Variants in GRIN2A observed in about 807,000 individuals in gnomAD.
GRIN2A encodes glutamate ionotropic receptor NMDA type subunit 2A.
In GRIN2A, 22 loss-of-function variants were observed where a neutral mutation model predicts 113.4. That is an observed-to-expected ratio of 0.19 (90% CI 0.14 to 0.28). GRIN2A has a LOEUF of 0.28. Ranked by LOEUF, GRIN2A falls within the 10% of genes least tolerant of loss-of-function variation. The pLI is 1.00. For synonymous variants in GRIN2A, 827 were observed against 738.4 expected (o/e 1.12, Z -1.94); for missense variants, 1,502 against 1,887.0 (o/e 0.80, Z 3.78).
chr16:9,887,952 G>T (rs182318391), intron 4 of GRIN2A, among the ~76,000 whole-genome samples: 2 of 152,118 alleles, frequency 1.3e-5, no homozygotes, highest in Non-Finnish European at 1.5e-5. Context: ...AGCTACTCAG[G>T]GGGGCTGAGG....
intron 2 of GRIN2A, among the ~76,000 whole-genome samples, chr16:10,042,985 G>C (rs11074546): frequency 6.6e-6 from 1 of 151,960 alleles, no homozygotes; most frequent in Admixed American, 6.6e-5. Context: ...TTTGATCTAC[G>C]TCAGAGTTTC....
intron 10 of GRIN2A, among the ~76,000 whole-genome samples, chr16:9,819,917 G>T (rs546685057): frequency 1.3e-5 from 1 of 74,198 alleles, no homozygotes; most frequent in Non-Finnish European, 2.2e-5. Context: ...GCGAAACTCC[G>T]TCTCAAAAAA....
chr16:10,074,140 A>AG (rs1394254683), intron 2 of GRIN2A, among the ~76,000 whole-genome samples: 3 of 152,234 alleles, frequency 2.0e-5, no homozygotes, highest in Non-Finnish European at 2.9e-5. Context: ...CAATACAAAC[A>AG]GTGATTAGAG....
chr16:9,938,105 G>A lies in GRIN2A; in HGVS notation c.861C>T (p.Ser287=), dbSNP rs1252446296. ...ISVSYDDWDY[S]LEARVRDGIG... ...TGCCGTCCCTCACTCTCGCCTCCAG[G>A]CTGTAGTCCCAGTCATCGTAGGAGA... Residue 287 remains serine, a synonymous_variant, in exon 3 of 13, where the codon AGC becomes AGT. Coordinates refer to ENST00000330684, the MANE Select transcript of GRIN2A (RefSeq NM_001134407.3). 1 of 1,613,984 alleles carries A rather than the reference G, an allele frequency of 6.2e-7. No homozygotes were observed. Among genetic ancestry groups the A allele is most frequent in the Non-Finnish European group, 8.5e-7 (1 of 1,179,904 alleles).
At chr16:10,155,682 G>T (rs1489070771) in intron 2 of GRIN2A, among the ~76,000 whole-genome samples, 1 of 152,002 alleles carries the variant, frequency 6.6e-6, no homozygotes, top group East Asian at 1.9e-4. Context: ...AGGTTTAATG[G>T]ACTCACAGTT....
At chr16:9,781,519 C>T (rs1024808228) in intron 11 of GRIN2A, among the ~76,000 whole-genome samples, 2 of 152,122 alleles carry the variant, frequency 1.3e-5, no homozygotes, top group Non-Finnish European at 2.9e-5. Flanking sequence ...TGCCACTATG[C>T]CTAGATAATG....
At chr16:10,147,576 G>C (rs1194039833) in intron 2 of GRIN2A, among the ~76,000 whole-genome samples, 1 of 150,222 alleles carries the variant, frequency 6.7e-6, no homozygotes, top group African/African-American at 2.5e-5. Flanking sequence ...GGCAGAGCTT[G>C]CAGTGAGCTG....
At chr16:10,101,980 G>T (rs1362124029) in intron 2 of GRIN2A, among the ~76,000 whole-genome samples, 1 of 152,236 alleles carries the variant, frequency 6.6e-6, no homozygotes, top group African/African-American at 2.4e-5. Flanking sequence ...TAATCCTAGA[G>T]ATAATAGTAA....
chr16:10,021,177 C>T (rs1426855184), intron 2 of GRIN2A, among the ~76,000 whole-genome samples: 1 of 152,102 alleles, frequency 6.6e-6, no homozygotes, highest in Non-Finnish European at 1.5e-5. Context: ...AGCTGGGTCC[C>T]CTAAGCAGCC....
chr16:10,137,873 T>C (rs1442895622), intron 2 of GRIN2A, among the ~76,000 whole-genome samples: 3 of 152,184 alleles, frequency 2.0e-5, no homozygotes, highest in African/African-American at 7.2e-5. Context: ...ATGCACCACA[T>C]AGTACTTGTC....
At chr16:10,127,187 G>A (rs1470122290) in intron 2 of GRIN2A, among the ~76,000 whole-genome samples, 9 of 151,616 alleles carry the variant, frequency 5.9e-5, no homozygotes, top group Non-Finnish European at 7.4e-5. Context: ...AGCAGAGATC[G>A]TGCCACTCCA....
In GRIN2A at chr16:9,849,644, C is replaced by G. The variant is rs1596494508; in HGVS notation, c.1328+112G>C. On this transcript the variant is annotated intron_variant, in intron 5 of 12. Coordinates refer to ENST00000330684, the MANE Select transcript of GRIN2A (RefSeq NM_001134407.3). ...TATTGTATTATACCTACTATAACGA[C>G]GTGTATTTTCTATGACATTTTGTGA... 9 of 846,610 alleles carry G rather than the reference C, an allele frequency of 1.1e-5. 1 individual carries two copies. The East Asian group carries it at 1.7e-4, about 16-fold the overall frequency. 52.4% of individuals were successfully genotyped at this position (846,610 alleles called of 1,614,324 possible).
At chr16:10,152,463 C>T (rs1401502190) in intron 2 of GRIN2A, among the ~76,000 whole-genome samples, 2 of 152,128 alleles carry the variant, frequency 1.3e-5, no homozygotes, top group Non-Finnish European at 2.9e-5. Flanking sequence ...CCAATCTTCC[C>T]CCAGCTCCAC....
At chr16:9,833,161 G>A (rs2042526661) in intron 8 of GRIN2A, among the ~76,000 whole-genome samples, 1 of 152,174 alleles carries the variant, frequency 6.6e-6, no homozygotes, top group South Asian at 2.1e-4. Flanking sequence ...TAACGTGTAT[G>A]ACATAAACCC....
At chr16:10,112,226 A>G (rs1351397810) in intron 2 of GRIN2A, 2 of 607,162 alleles carry the variant, frequency 3.3e-6, no homozygotes, top group East Asian at 3.2e-5. Flanking sequence ...CGGTGTATCA[A>G]ATCACCATGG....
intron 2 of GRIN2A, among the ~76,000 whole-genome samples, chr16:10,064,940 A>C (rs2047619274): frequency 6.6e-6 from 1 of 152,168 alleles, no homozygotes; most frequent in East Asian, 1.9e-4. Flanking sequence ...CAATTGTTAC[A>C]CTTTTTCAAT....
chr16:9,815,155 G>C (rs549229607), intron 10 of GRIN2A, among the ~76,000 whole-genome samples: 44 of 152,204 alleles, frequency 2.9e-4, no homozygotes, highest in Non-Finnish European at 5.7e-4. Context: ...CACATACACG[G>C]AGATGGGACT....
At chr16:9,804,741 A>G (rs987147429) in intron 10 of GRIN2A, among the ~76,000 whole-genome samples, 1 of 152,096 alleles carries the variant, frequency 6.6e-6, no homozygotes, top group African/African-American at 2.4e-5. Flanking sequence ...CTGGAGCTCA[A>G]AAGAATGCCA....
intron 4 of GRIN2A, among the ~76,000 whole-genome samples, chr16:9,880,520 C>T (rs1281936454): frequency 6.6e-6 from 1 of 152,194 alleles, no homozygotes; most frequent in Non-Finnish European, 1.5e-5. Context: ...TCAAAGTCAA[C>T]TGAGAAGTCC....
Sources: allele counts gnomAD v4.1 joint callset (sites outside exome capture counted in the v4.1 genomes callset), GRCh38; gene constraint gnomAD v4.1.1; transcripts MANE v1.5; gene names NCBI Gene and HGNC (gene_info 2026-07-23, HGNC 2026-07-21).